The following DOCK9 variants were observed in gnomAD, a reference collection of about 807,000 sequenced individuals.
DOCK9 encodes the protein dedicator of cytokinesis 9.
In DOCK9, 89 loss-of-function variants were observed where a neutral mutation model predicts 263.3. The observed-to-expected ratio is 0.34, with a 90% confidence interval of 0.28 to 0.40. DOCK9 has a LOEUF of 0.40. DOCK9 is among the 10% of genes least tolerant of loss of function. DOCK9 has a pLI of 1.00. For synonymous variants in DOCK9, 976 were observed against 973.1 expected (o/e 1.00, Z -0.06); for missense variants, 2,140 against 2,603.4 (o/e 0.82, Z 3.87).
upstream of DOCK9, among the ~76,000 whole-genome samples, chr13:99,087,432 T>C (rs1446866157): frequency 6.6e-6 from 1 of 152,190 alleles, no homozygotes; most frequent in Non-Finnish European, 1.5e-5. Context: ...CTGGGGCCGA[T>C]TTAGCCGGTC....
chr13:98,815,297 G>C (rs2091743770), intron 45 of DOCK9, among the ~76,000 whole-genome samples: 1 of 152,074 alleles, frequency 6.6e-6, no homozygotes, highest in Non-Finnish European at 1.5e-5. Context: ...AGAAGACCTA[G>C]CTTCCCGTGG....
intron 1 of DOCK9, among the ~76,000 whole-genome samples, chr13:98,974,728 C>T (rs1017012125): frequency 2.0e-5 from 2 of 98,388 alleles, no homozygotes; most frequent in South Asian, 7.7e-4. Context: ...CCAGCCTGGG[C>T]AACAAGAGCA....
intron 35 of DOCK9, among the ~76,000 whole-genome samples, chr13:98,850,445 C>A (rs1245387660): frequency 6.6e-6 from 1 of 152,214 alleles, no homozygotes; most frequent in Non-Finnish European, 1.5e-5. Context: ...GGACATATAA[C>A]CTAAAGCCGG....
intron 1 of DOCK9, among the ~76,000 whole-genome samples, chr13:99,028,986 A>G (rs1887060154): frequency 6.6e-6 from 1 of 152,164 alleles, no homozygotes; most frequent in Admixed American, 6.5e-5. Context: ...CTCTGAAACC[A>G]TATTTCTGTT....
chr13:98,877,390 G>A (rs988411182), intron 27 of DOCK9, among the ~76,000 whole-genome samples: 2 of 152,188 alleles, frequency 1.3e-5, no homozygotes, highest in African/African-American at 2.4e-5. Context: ...GGTGTCACTG[G>A]CGCTTGATTT....
At chr13:98,883,274 GT>G in intron 22 of DOCK9, 143 bp from the exon 23 acceptor site, 2 of 775,926 alleles carry the variant, frequency 2.6e-6, no homozygotes, top group Non-Finnish European at 4.1e-6. Flanking sequence ...TTGAGACAGA[GT>G]CTTGCTCTGT....
intron 35 of DOCK9, among the ~76,000 whole-genome samples, chr13:98,851,882 GA>G (rs1270866737): frequency 6.6e-6 from 1 of 152,098 alleles, no homozygotes; most frequent in African/African-American, 2.4e-5. Context: ...TCTTAAATGG[GA>G]TGCACACACA....
chr13:98,944,196 A>G (rs9513515), intron 2 of DOCK9, among the ~76,000 whole-genome samples: 63,428 of 151,894 alleles, frequency 0.42, 13,595 homozygotes, highest in East Asian at 0.56. Flanking sequence ...TGGGTTCATC[A>G]ATATCCTTCA....
intron 1 of DOCK9, among the ~76,000 whole-genome samples, chr13:99,066,132 C>T (rs377653854): frequency 1.1e-4 from 17 of 152,288 alleles, no homozygotes; most frequent in South Asian, 8.3e-4. Context: ...CAAGTGTACA[C>T]ATCTTTATCT....
intron 2 of DOCK9, among the ~76,000 whole-genome samples, chr13:98,953,934 C>A (rs2057732229): frequency 6.6e-6 from 1 of 152,066 alleles, no homozygotes; most frequent in Admixed American, 6.6e-5. Context: ...CATTTTGGGG[C>A]CCAGGTATCT....
intron 1 of DOCK9, among the ~76,000 whole-genome samples, chr13:99,073,370 CCT>C (rs146373817): frequency 2.0e-5 from 3 of 149,880 alleles, no homozygotes; most frequent in Non-Finnish European, 3.0e-5. Context: ...TTCTCTCTCT[CCT>C]CTCTCTCTCT....
At chr13:99,063,869 G>A (rs1737782246) in intron 1 of DOCK9, among the ~76,000 whole-genome samples, 1 of 151,670 alleles carries the variant, frequency 6.6e-6, no homozygotes. Flanking sequence ...CTTGTCACAG[G>A]TCAGTTATAA....
intron 1 of DOCK9, 78 bp from the exon 2 acceptor site, chr13:98,955,629 C>T: frequency 1.1e-6 from 1 of 935,764 alleles, no homozygotes; most frequent in South Asian, 1.6e-5. Context: ...GTATGTTCTA[C>T]TCTATGTTTT....
chr13:98,888,777 A>G, intron 15 of DOCK9, 66 bp from the exon 16 acceptor site: 1 of 1,341,642 alleles, frequency 7.5e-7, no homozygotes, highest in South Asian at 1.3e-5. Context: ...ACTCTAGAGC[A>G]GCACTTCCAA....
In DOCK9 at chr13:98,855,503, C is replaced by T. The variant is rs147502834; in HGVS notation, c.3831+395G>A. Among the ~76,000 whole-genome samples the T allele has an allele frequency of 8.5e-4, 130 of 152,162 alleles. 1 individual carries two copies. Among genetic ancestry groups the T allele is most frequent in the East Asian group, 6.6e-3 (34 of 5,182 alleles). ...AGAGGAGTCGTTTGAACCCAGGAGG[C>T]GGAGGTTGCAGTGAATTGAGATCGT... On this transcript the variant is annotated intron_variant, in intron 34 of 52. Transcript: ENST00000682017.
At chr13:99,082,972 T>C (rs1168205809) in intron 1 of DOCK9, among the ~76,000 whole-genome samples, 1 of 152,088 alleles carries the variant, frequency 6.6e-6, no homozygotes. Flanking sequence ...TAAAGAATTC[T>C]GTCTGGGTGT....
chr13:98,822,708 C>T (rs2092344513), intron 45 of DOCK9, among the ~76,000 whole-genome samples: 1 of 152,098 alleles, frequency 6.6e-6, no homozygotes, highest in African/African-American at 2.4e-5. Flanking sequence ...AGACCATCCA[C>T]CCAGGCCTTT....
At chr13:98,932,092 C>A (rs2054042699) in intron 2 of DOCK9, among the ~76,000 whole-genome samples, 1 of 152,078 alleles carries the variant, frequency 6.6e-6, no homozygotes, top group Non-Finnish European at 1.5e-5. Flanking sequence ...CCCTTAGGTA[C>A]TATTAACAGA....
At chr13:98,798,817 A>G (rs2089762541) in intron 50 of DOCK9, among the ~76,000 whole-genome samples, 1 of 152,192 alleles carries the variant, frequency 6.6e-6, no homozygotes, top group African/African-American at 2.4e-5. Context: ...TCATTTCAAC[A>G]TGGAATTTCT....
Sources: allele counts gnomAD v4.1 joint callset (sites outside exome capture counted in the v4.1 genomes callset), GRCh38; gene constraint gnomAD v4.1.1; transcripts MANE v1.5; gene names NCBI Gene and HGNC (gene_info 2026-07-23, HGNC 2026-07-21).